The following IGF2BP3 variants were observed in gnomAD, a reference collection of about 807,000 sequenced individuals.
The protein encoded by IGF2BP3 is insulin-like growth factor 2 mRNA-binding protein 3.
IGF2BP3 carries 9 observed loss-of-function variants against 73.8 expected under a neutral mutation model. The ratio of observed to expected loss-of-function variants is 0.12; its 90% confidence interval spans 0.07 to 0.21. The LOEUF is 0.21. Ranked by LOEUF, IGF2BP3 falls within the 10% of genes least tolerant of loss-of-function variation. The pLI is 1.00. For missense variants in IGF2BP3, 542 were observed against 714.0 expected (o/e 0.76, Z 2.75); for synonymous variants, 258 against 256.7 (o/e 1.01, Z -0.05).
At chr7:23,388,898 C>A (rs764784798) in intron 3 of IGF2BP3, among the ~76,000 whole-genome samples, 21 of 152,088 alleles carry the variant, frequency 1.4e-4, no homozygotes, top group Middle Eastern at 3.2e-3. Context: ...CCCAAATGTT[C>A]AACAGGTAAA....
chr7:23,454,616 T>C (rs1782520585), intron 2 of IGF2BP3, among the ~76,000 whole-genome samples: 1 of 152,192 alleles, frequency 6.6e-6, no homozygotes, highest in South Asian at 2.1e-4. Context: ...TTACAGATTT[T>C]AAAAACAGAA....
At position 23,385,379 on chromosome 7, in the gene IGF2BP3, C is replaced by A. The variant is rs573075234; in HGVS notation, c.286-23638G>T. 2.6e-4 allele frequency among the ~76,000 whole-genome samples: 39 copies of A among 152,278 alleles called. 1 individual carries two copies. In the South Asian group the frequency reaches 8.1e-3, roughly 32 times the overall value. ...CAATCTTGGCAGCACAGTACAATCACCTGAGGAGCTAAAAATACTGATGCC... is the reference window on the plus strand; with the variant it reads ...CAATCTTGGCAGCACAGTACAATCAACTGAGGAGCTAAAAATACTGATGCC... On this transcript the variant is annotated intron_variant, in intron 3 of 14. Transcript: ENST00000258729.
intron 10 of IGF2BP3, among the ~76,000 whole-genome samples, chr7:23,328,553 C>G (rs1784362687): frequency 6.6e-6 from 1 of 152,098 alleles, no homozygotes; most frequent in Non-Finnish European, 1.5e-5. Flanking sequence ...AACAAAAGGG[C>G]TGGTTCTTTG....
chr7:23,461,646 A>C (rs561252256), intron 2 of IGF2BP3, among the ~76,000 whole-genome samples: 1 of 152,220 alleles, frequency 6.6e-6, no homozygotes, highest in African/African-American at 2.4e-5. Flanking sequence ...AATAGCCACT[A>C]CTCATTACCT....
intron 3 of IGF2BP3, among the ~76,000 whole-genome samples, chr7:23,412,194 G>C (rs1463878323): frequency 6.6e-6 from 1 of 151,816 alleles, no homozygotes. Flanking sequence ...TGTTGGCCAG[G>C]CTGGTCTCAA....
intron 2 of IGF2BP3, among the ~76,000 whole-genome samples, chr7:23,461,810 C>T (rs913391069): frequency 2.0e-5 from 3 of 152,198 alleles, no homozygotes; most frequent in Non-Finnish European, 4.4e-5. Context: ...CCATCAATTC[C>T]TCTCTCGGTA....
At chr7:23,444,237 T>A (rs1388081228) in intron 2 of IGF2BP3, among the ~76,000 whole-genome samples, 1 of 152,122 alleles carries the variant, frequency 6.6e-6, no homozygotes, top group East Asian at 1.9e-4. Context: ...TTCCTGAATA[T>A]CAGAAAAATC....
At chr7:23,366,405 T>C (rs1045060858) in intron 3 of IGF2BP3, among the ~76,000 whole-genome samples, 1 of 152,154 alleles carries the variant, frequency 6.6e-6, no homozygotes, top group Non-Finnish European at 1.5e-5. Flanking sequence ...CCCATAGTGA[T>C]GGGATTACAG....
At chr7:23,405,944 T>C (rs1271590876) in intron 3 of IGF2BP3, among the ~76,000 whole-genome samples, 1 of 151,740 alleles carries the variant, frequency 6.6e-6, no homozygotes, top group South Asian at 2.1e-4. Context: ...TTACACATGA[T>C]GATGGAGCAA....
At chr7:23,355,119 C>T (rs1002099796) in intron 5 of IGF2BP3, among the ~76,000 whole-genome samples, 3 of 152,170 alleles carry the variant, frequency 2.0e-5, no homozygotes, top group South Asian at 2.1e-4. Flanking sequence ...ATGAGATGAA[C>T]GACTGTCATA....
At chr7:23,330,843 G>A (rs1375427084) in intron 10 of IGF2BP3, among the ~76,000 whole-genome samples, 1 of 152,214 alleles carries the variant, frequency 6.6e-6, no homozygotes, top group Non-Finnish European at 1.5e-5. Context: ...CCAGGCTGGA[G>A]TGCAGTGGCA....
At chr7:23,319,852 T>C (rs1307686278) in intron 10 of IGF2BP3, among the ~76,000 whole-genome samples, 2 of 152,194 alleles carry the variant, frequency 1.3e-5, no homozygotes, top group African/African-American at 4.8e-5. Flanking sequence ...TTCACTTTAG[T>C]GGTAAGATGC....
chr7:23,362,551 A>T (rs551324061), intron 3 of IGF2BP3: 1 of 152,350 alleles, frequency 6.6e-6, no homozygotes, highest in Non-Finnish European at 1.5e-5. Flanking sequence ...CTGTATTATT[A>T]TACTATGCAT....
Position 23,343,839 on chromosome 7 carries a change from G to A in IGF2BP3, c.956C>T (p.Thr319Met), listed in dbSNP as rs149351958. 20 of 1,611,162 alleles carry A rather than the reference G, an allele frequency of 1.2e-5. No homozygotes were observed. The highest frequency in any genetic ancestry group is 1.6e-4 in the Middle Eastern group (1 of 6,070). ...AATAGTGCGTTCTGGATTATACAGC[G>A]TCAATTCCTGCAATCTGCAGAATGA... Reference protein sequence around the residue: ...KITISPLQELTLYNPERTITV... With the variant: ...KITISPLQELMLYNPERTITV... Residue 319 changes from threonine (T) to methionine (M), a missense_variant, in exon 9 of 15, where the codon ACG becomes ATG. Thr to Met is a moderately conservative substitution (Grantham distance 81). Transcript: ENST00000258729.
intron 11 of IGF2BP3, among the ~76,000 whole-genome samples, chr7:23,318,546 A>G (rs1361234885): frequency 6.6e-6 from 1 of 152,170 alleles, no homozygotes; most frequent in Non-Finnish European, 1.5e-5. Flanking sequence ...TCCTTAAATA[A>G]GGCATCAAAA....
chr7:23,314,818 G>A (rs1321503623), intron 12 of IGF2BP3, among the ~76,000 whole-genome samples: 1 of 151,836 alleles, frequency 6.6e-6, no homozygotes, highest in Non-Finnish European at 1.5e-5. Flanking sequence ...TCTTTTTTGA[G>A]ACAGAGTCTC....
Position 23,424,452 on chromosome 7 carries a change from G to A in IGF2BP3, c.237-5628C>T, listed in dbSNP as rs148224799. 6.1e-3 allele frequency among the ~76,000 whole-genome samples: 925 copies of A among 152,148 alleles called. 14 individuals carry two copies. Among genetic ancestry groups the A allele is most frequent in the African/African-American group, 0.021 (857 of 41,476 alleles). On this transcript the variant is annotated intron_variant, in intron 2 of 14. Transcript: ENST00000258729. ...GCGGACATTGCAGTGAGCCGAGATC[G>A]CACCACTGCACTCTAGCCTGGGCGA...
At chr7:23,433,197 T>C (rs1787729681) in intron 2 of IGF2BP3, among the ~76,000 whole-genome samples, 1 of 152,194 alleles carries the variant, frequency 6.6e-6, no homozygotes, top group African/African-American at 2.4e-5. Context: ...TCCCATACTT[T>C]TCCATAGCTA....
intron 3 of IGF2BP3, among the ~76,000 whole-genome samples, chr7:23,369,414 T>C (rs973852653): frequency 6.6e-6 from 1 of 152,194 alleles, no homozygotes; most frequent in Non-Finnish European, 1.5e-5. Flanking sequence ...CTATAAAATA[T>C]GTCCCAGCCC....
Sources: gnomAD v4.1 joint callset for allele counts (sites outside exome capture counted in the v4.1 genomes callset) on GRCh38, gnomAD v4.1.1 for gene constraint, MANE v1.5 for transcripts, NCBI Gene and HGNC (gene_info 2026-07-23, HGNC 2026-07-21) for gene names.